The following LRMDA variants were observed in gnomAD, a reference collection of about 807,000 sequenced individuals.
The protein encoded by LRMDA is leucine rich melanocyte differentiation associated.
Under a neutral mutation model 29.8 loss-of-function variants are expected in LRMDA, and 18 were observed. The ratio of observed to expected loss-of-function variants is 0.60; its 90% CI spans 0.42 to 0.90. LRMDA has a LOEUF of 0.90. LRMDA is among the 40% of genes least tolerant of loss of function. The pLI is 0.00. For missense variants in LRMDA, 273 were observed against 273.9 expected (o/e 1.00, Z 0.02); for synonymous variants, 125 against 109.4 (o/e 1.14, Z -0.89).
Position 75,680,949 on chromosome 10 carries a change from C to T in LRMDA, c.131+242455C>T, listed in dbSNP as rs769334776. Among the ~76,000 whole-genome samples the T allele has an allele frequency of 6.6e-5, 10 of 152,086 alleles. No homozygotes were observed. The South Asian group carries it at 1.3e-3, about 19-fold the overall frequency. ...CTTCAGTTAACGTGATGGTGGGCAC[C>T]GAGAGAATTATTTTGTAGGGAGAAA... On this transcript the variant is annotated intron_variant, in intron 2 of 6. Coordinates refer to ENST00000611255, the MANE Select transcript of LRMDA (RefSeq NM_001305581.2).
At chr10:75,875,760 G>T (rs1463729986) in intron 2 of LRMDA, among the ~76,000 whole-genome samples, 1 of 152,242 alleles carries the variant, frequency 6.6e-6, no homozygotes, top group Non-Finnish European at 1.5e-5. Context: ...AAAGAGAAAG[G>T]TCTAATTGGA....
chr10:75,565,350 A>G (rs937390318), intron 2 of LRMDA, among the ~76,000 whole-genome samples: 1 of 152,152 alleles, frequency 6.6e-6, no homozygotes, highest in Non-Finnish European at 1.5e-5. Flanking sequence ...TTCACTGGGG[A>G]TTACCTGGGC....
chr10:76,025,979 G>A (rs543176657), intron 2 of LRMDA, among the ~76,000 whole-genome samples: 1 of 152,194 alleles, frequency 6.6e-6, no homozygotes, highest in African/African-American at 2.4e-5. Context: ...TTTTATAAAT[G>A]AATGAATGAA....
chr10:76,050,501 T>A (rs1848513092), intron 4 of LRMDA, among the ~76,000 whole-genome samples: 1 of 152,242 alleles, frequency 6.6e-6, no homozygotes, highest in African/African-American at 2.4e-5. Flanking sequence ...TCATAGTTCA[T>A]GGCTGAGAAA....
chr10:75,901,778 G>A lies in LRMDA; in HGVS notation c.132-134230G>A, dbSNP rs73293352. On this transcript the variant is annotated intron_variant, in intron 2 of 6. Transcript: ENST00000611255. The stretch of plus-strand genomic sequence containing the variant: ...AATAGAACAAGAGAAGCTGATTGCC[G>A]CGAATTAATTAGAACTGACTGCTGG... Among the ~76,000 whole-genome samples, 62 of 152,208 alleles carry A rather than the reference G, an allele frequency of 4.1e-4. 1 individual carries two copies. The highest frequency in any genetic ancestry group is 1.3e-3 in the African/African-American group (56 of 41,530).
At chr10:76,143,717 T>G (rs191713709) in intron 5 of LRMDA, among the ~76,000 whole-genome samples, 4 of 152,366 alleles carry the variant, frequency 2.6e-5, no homozygotes, top group African/African-American at 7.2e-5. Context: ...TTTGTCAATT[T>G]TGGCTTTTGT....
At chr10:76,462,584 T>A (rs184402176) in intron 6 of LRMDA, among the ~76,000 whole-genome samples, 1 of 152,208 alleles carries the variant, frequency 6.6e-6, no homozygotes, top group East Asian at 1.9e-4. Flanking sequence ...TTATGAGAAG[T>A]TGAAATTCTC....
intron 2 of LRMDA, among the ~76,000 whole-genome samples, chr10:75,998,269 C>T (rs1403882883): frequency 1.3e-5 from 2 of 152,126 alleles, no homozygotes; most frequent in Admixed American, 1.3e-4. Context: ...GACTTATCCC[C>T]AAAAGTCTTC....
At chr10:76,107,639 C>G (rs916451975) in intron 5 of LRMDA, among the ~76,000 whole-genome samples, 5 of 152,200 alleles carry the variant, frequency 3.3e-5, no homozygotes, top group Non-Finnish European at 5.9e-5. Context: ...AACACTGTTT[C>G]CTCCCCCTTG....
intron 4 of LRMDA, among the ~76,000 whole-genome samples, chr10:76,049,371 C>T (rs1848493422): frequency 6.6e-6 from 1 of 152,180 alleles, no homozygotes; most frequent in Admixed American, 6.5e-5. Context: ...ACAATGATGG[C>T]AAGATGCTTG....
At chr10:75,645,839 C>T (rs941748399) in intron 2 of LRMDA, among the ~76,000 whole-genome samples, 6 of 152,096 alleles carry the variant, frequency 3.9e-5, no homozygotes, top group African/African-American at 1.4e-4. Context: ...ATACTGGTAG[C>T]CACTTGCATT....
intron 5 of LRMDA, among the ~76,000 whole-genome samples, chr10:76,086,244 T>C (rs1849133466): frequency 6.6e-6 from 1 of 152,172 alleles, no homozygotes; most frequent in Admixed American, 6.5e-5. Flanking sequence ...TGGGAAAGAG[T>C]TCACTCTCAC....
intron 5 of LRMDA, among the ~76,000 whole-genome samples, chr10:76,275,325 G>T (rs1055712226): frequency 5.3e-5 from 8 of 151,662 alleles, no homozygotes; most frequent in African/African-American, 1.9e-4. Flanking sequence ...ACTTAATTAA[G>T]ATTTATTTGA....
intron 2 of LRMDA, among the ~76,000 whole-genome samples, chr10:75,760,557 T>C (rs575792653): frequency 6.6e-6 from 1 of 152,318 alleles, no homozygotes; most frequent in East Asian, 1.9e-4. Flanking sequence ...ATTCGAATAG[T>C]GGCAGAAGCA....
intron 2 of LRMDA, among the ~76,000 whole-genome samples, chr10:75,912,815 A>G (rs988484380): frequency 6.6e-6 from 1 of 152,140 alleles, no homozygotes. Context: ...AAATAGAAAC[A>G]TGTCAAGTGT....
intron 5 of LRMDA, among the ~76,000 whole-genome samples, chr10:76,095,515 G>C (rs1318078080): frequency 6.6e-6 from 1 of 152,204 alleles, no homozygotes; most frequent in Non-Finnish European, 1.5e-5. Context: ...TTGGAAGTTG[G>C]ATTGCTAAGT....
intron 6 of LRMDA, among the ~76,000 whole-genome samples, chr10:76,538,484 T>A (rs1381747196): frequency 7.4e-6 from 1 of 134,456 alleles, no homozygotes; most frequent in African/African-American, 3.0e-5. Context: ...ATATACATAT[T>A]TATATAGTTA....
At chr10:75,614,086 A>C (rs956077240) in intron 2 of LRMDA, among the ~76,000 whole-genome samples, 2 of 152,168 alleles carry the variant, frequency 1.3e-5, no homozygotes, top group East Asian at 1.9e-4. Context: ...GGAATATCTT[A>C]TAGTTATTTT....
At chr10:75,612,105 G>A (rs1841039700) in intron 2 of LRMDA, among the ~76,000 whole-genome samples, 1 of 152,252 alleles carries the variant, frequency 6.6e-6, no homozygotes, top group Admixed American at 6.5e-5. Flanking sequence ...TGTGGGCTAG[G>A]TACGAATGAC....
Sources: allele counts gnomAD v4.1 joint callset (sites outside exome capture counted in the v4.1 genomes callset), GRCh38; gene constraint gnomAD v4.1.1; transcripts MANE v1.5; gene names NCBI Gene and HGNC (gene_info 2026-07-23, HGNC 2026-07-21).